The following TRPC4 variants were observed in gnomAD, a reference collection of about 807,000 sequenced individuals.
TRPC4 encodes the protein transient receptor potential cation channel subfamily C member 4, also known as short transient receptor potential channel 4.
Under a neutral mutation model 99.4 loss-of-function variants are expected in TRPC4, and 49 were observed. The observed-to-expected ratio is 0.49, with a 90% confidence interval of 0.39 to 0.63. The LOEUF is 0.63. Ranked by LOEUF, TRPC4 falls within the 20% of genes least tolerant of loss-of-function variation. The pLI is 0.00. For missense variants in TRPC4, 898 were observed against 1,152.9 expected, an observed-to-expected ratio of 0.78 and a Z score of 3.20; for synonymous variants, 454 against 425.9, an observed-to-expected ratio of 1.07 and a Z score of -0.81.
rs140062958 is a variant in TRPC4 at position 37,827,971 on chromosome 13, G to A, written c.-28+41624C>T. Among the ~76,000 whole-genome samples, 900 of 152,326 alleles carry A rather than the reference G, an allele frequency of 5.9e-3. 2 individuals are homozygous for A. Among genetic ancestry groups the A allele is most frequent in the Middle Eastern group, 0.014 (4 of 294 alleles). ...CGAGCCAGGTGCGGGATATAATCTCGTGGTGGGCCGTTTTTTAAGCCCGTC... is the reference window on the plus strand; with the variant it reads ...CGAGCCAGGTGCGGGATATAATCTCATGGTGGGCCGTTTTTTAAGCCCGTC... On this transcript the variant is annotated intron_variant, in intron 1 of 10. Coordinates refer to ENST00000379705, the MANE Select transcript of TRPC4 (RefSeq NM_016179.4).
At chr13:37,701,463 G>A (rs925749464) in intron 3 of TRPC4, among the ~76,000 whole-genome samples, 5 of 151,868 alleles carry the variant, frequency 3.3e-5, no homozygotes, top group Non-Finnish European at 5.9e-5. Flanking sequence ...AACAGCCTAA[G>A]TTATGTTCCT....
chr13:37,672,818 A>C (rs1462245939), intron 5 of TRPC4, among the ~76,000 whole-genome samples: 2 of 152,204 alleles, frequency 1.3e-5, no homozygotes, highest in African/African-American at 4.8e-5. Flanking sequence ...TAATAAAATT[A>C]CCAAATTATG....
chr13:37,747,666 T>C (rs1282497942), intron 2 of TRPC4, among the ~76,000 whole-genome samples: 4 of 152,162 alleles, frequency 2.6e-5, no homozygotes, highest in African/African-American at 9.7e-5. Flanking sequence ...TTTTTATATG[T>C]GGACAATTAC....
chr13:37,762,355 T>A (rs1956245997), intron 2 of TRPC4, among the ~76,000 whole-genome samples: 1 of 151,828 alleles, frequency 6.6e-6, no homozygotes, highest in Non-Finnish European at 1.5e-5. Context: ...GACCCAGCCA[T>A]CCCGTTACTG....
At chr13:37,667,169 T>C (rs938857965) in intron 5 of TRPC4, among the ~76,000 whole-genome samples, 2 of 152,222 alleles carry the variant, frequency 1.3e-5, no homozygotes, top group Non-Finnish European at 2.9e-5. Context: ...CCAAATCTTA[T>C]GTAGGTTGCT....
chr13:37,715,528 G>A (rs960445440), intron 3 of TRPC4, among the ~76,000 whole-genome samples: 7 of 152,140 alleles, frequency 4.6e-5, no homozygotes, highest in African/African-American at 1.4e-4. Context: ...AGTACCAGGT[G>A]CAAAAATATT....
intron 3 of TRPC4, among the ~76,000 whole-genome samples, chr13:37,718,723 C>T (rs553393982): frequency 8.6e-5 from 13 of 151,704 alleles, no homozygotes; most frequent in Non-Finnish European, 1.8e-4. Context: ...GAGAAATTAT[C>T]CAATCTAAGG....
At chr13:37,786,772 T>A (rs1447459904) in intron 1 of TRPC4, among the ~76,000 whole-genome samples, 1 of 152,084 alleles carries the variant, frequency 6.6e-6, no homozygotes, top group Non-Finnish European at 1.5e-5. Flanking sequence ...GTCTCCTGTA[T>A]AACACCAGAA....
intron 3 of TRPC4, among the ~76,000 whole-genome samples, chr13:37,735,909 A>G (rs557357756): frequency 2.0e-5 from 3 of 152,322 alleles, no homozygotes; most frequent in African/African-American, 7.2e-5. Flanking sequence ...GTTTTATAAG[A>G]CACACTTGTT....
chr13:37,656,571 T>C (rs1952244555), intron 6 of TRPC4, among the ~76,000 whole-genome samples: 1 of 152,074 alleles, frequency 6.6e-6, no homozygotes, highest in Admixed American at 6.6e-5. Flanking sequence ...GAGAGAAAAT[T>C]CATATAAGGC....
intron 4 of TRPC4, among the ~76,000 whole-genome samples, chr13:37,681,868 A>T (rs575613033): frequency 4.5e-4 from 68 of 152,346 alleles, no homozygotes; most frequent in African/African-American, 1.4e-3. Context: ...GGGACCAACA[A>T]AGGAAAGATC....
At chr13:37,696,790 G>C (rs2138907516) in intron 3 of TRPC4, among the ~76,000 whole-genome samples, 1 of 152,272 alleles carries the variant, frequency 6.6e-6, no homozygotes, top group East Asian at 1.9e-4. Flanking sequence ...CTGTATGGGG[G>C]AGGAGTTATT....
At chr13:37,718,398 A>C (rs1417246719) in intron 3 of TRPC4, among the ~76,000 whole-genome samples, 1 of 151,860 alleles carries the variant, frequency 6.6e-6, no homozygotes, top group Non-Finnish European at 1.5e-5. Flanking sequence ...TTCTAGAAAG[A>C]AGCAGGAAAA....
chr13:37,684,172 A>G (rs189236656), intron 4 of TRPC4, among the ~76,000 whole-genome samples: 2 of 152,304 alleles, frequency 1.3e-5, no homozygotes, highest in African/African-American at 4.8e-5. Flanking sequence ...AATTTGTCAT[A>G]AGAATCTACA....
intron 8 of TRPC4, among the ~76,000 whole-genome samples, chr13:37,642,879 T>A (rs899724874): frequency 1.3e-5 from 2 of 151,974 alleles, no homozygotes; most frequent in Non-Finnish European, 1.5e-5. Flanking sequence ...TACAGGTGCA[T>A]GGCACCACGC....
chr13:37,749,756 T>G (rs951326790), intron 2 of TRPC4, among the ~76,000 whole-genome samples: 2 of 152,192 alleles, frequency 1.3e-5, no homozygotes, highest in African/African-American at 4.8e-5. Context: ...CTCCTTTTTG[T>G]TGTTGGATAT....
intron 2 of TRPC4, among the ~76,000 whole-genome samples, chr13:37,761,203 A>C (rs557333681): frequency 6.6e-6 from 1 of 152,072 alleles, no homozygotes; most frequent in East Asian, 1.9e-4. Context: ...GCCATGTGCC[A>C]TGCCCTGTGT....
At chr13:37,738,348 G>T (rs1286117490) in intron 3 of TRPC4, among the ~76,000 whole-genome samples, 23 of 152,176 alleles carry the variant, frequency 1.5e-4, no homozygotes, top group Admixed American at 1.5e-3. Flanking sequence ...AAAGTGCTAT[G>T]TTTAAAAGCT....
intron 1 of TRPC4, among the ~76,000 whole-genome samples, chr13:37,792,348 A>C (rs1957142399): frequency 6.6e-6 from 1 of 152,144 alleles, no homozygotes; most frequent in Non-Finnish European, 1.5e-5. Flanking sequence ...TATTTCCCCT[A>C]GCCCCTATTA....
Sources: allele counts gnomAD v4.1 joint callset (sites outside exome capture counted in the v4.1 genomes callset), GRCh38; gene constraint gnomAD v4.1.1; transcripts MANE v1.5; gene names NCBI Gene and HGNC (gene_info 2026-07-23, HGNC 2026-07-21).